The following ABCC8 variants were observed in gnomAD, a reference collection of about 807,000 sequenced individuals.
ABCC8 encodes ATP-binding cassette sub-family C member 8.
Under a neutral mutation model 188.0 loss-of-function variants are expected in ABCC8, and 137 were observed. The ratio of observed to expected loss-of-function variants is 0.73; its 90% CI spans 0.63 to 0.84. The LOEUF is 0.84. Among genes scored for constraint, ABCC8 ranks in the 40% least tolerant of loss-of-function variants. The pLI is 0.00. For missense variants in ABCC8, 1,750 were observed against 2,072.7 expected (o/e 0.84, Z 3.02); for synonymous variants, 797 against 846.5 (o/e 0.94, Z 1.01).
intron 7 of ABCC8, among the ~76,000 whole-genome samples, chr11:17,450,254 TTCTTTCTCTTTCTTTC>T (rs1193598027): frequency 1.6e-5 from 1 of 62,908 alleles, no homozygotes; most frequent in Non-Finnish European, 3.3e-5. Context: ...TTTTCTTTCT[TTCTTTCTCTTTCTTTC>T]TTTCTTTCTT....
chr11:17,475,939 C>A (rs1848742433), intron 1 of ABCC8, among the ~76,000 whole-genome samples: 1 of 152,192 alleles, frequency 6.6e-6, no homozygotes, highest in Non-Finnish European at 1.5e-5. Flanking sequence ...CCGGCCGTGG[C>A]GCCCAACTTT....
In ABCC8 at chr11:17,416,918, C is replaced by T. The variant is rs751965037; in HGVS notation, c.2255+12G>A. On this transcript the variant is annotated intron_variant, in intron 17 of 38. Coordinates refer to ENST00000389817, the MANE Select transcript of ABCC8 (RefSeq NM_000352.6). ...GTTGAGACCCACTTCTGACCCAGTC[C>T]CAAGGCTGTACCTGGGGTCCTCTCC... is the stretch of plus-strand genomic sequence containing the variant. The T allele has an allele frequency of 1.8e-5, 29 of 1,613,872 alleles. 1 individual carries two copies. The highest frequency in any genetic ancestry group is 3.3e-4 in the Middle Eastern group (2 of 6,080).
intron 29 of ABCC8, among the ~76,000 whole-genome samples, chr11:17,399,275 CAAAAA>C (rs57138230): frequency 7.3e-4 from 43 of 58,540 alleles, no homozygotes; most frequent in African/African-American, 3.9e-3. Flanking sequence ...GACTCTGCCT[CAAAAA>C]AAAAAAAAAA....
chr11:17,435,991 G>C, intron 10 of ABCC8: 7 of 1,568,334 alleles, frequency 4.5e-6, no homozygotes, highest in Non-Finnish European at 6.1e-6. Flanking sequence ...CATCGCCATG[G>C]GAAGAGACCA....
intron 16 of ABCC8, among the ~76,000 whole-genome samples, chr11:17,425,396 C>T (rs955084688): frequency 1.3e-5 from 2 of 152,234 alleles, no homozygotes; most frequent in Non-Finnish European, 2.9e-5. Flanking sequence ...GTCTTTCTCC[C>T]TGCTCAGTTC....
At chr11:17,453,723 T>C (rs1218923879) in intron 6 of ABCC8, among the ~76,000 whole-genome samples, 2 of 152,132 alleles carry the variant, frequency 1.3e-5, no homozygotes, top group Admixed American at 1.3e-4. Flanking sequence ...CAGCCTGTAA[T>C]GTAGCAATTA....
intron 16 of ABCC8, among the ~76,000 whole-genome samples, chr11:17,419,592 T>C (rs1215807350): frequency 6.6e-6 from 1 of 152,258 alleles, no homozygotes; most frequent in Non-Finnish European, 1.5e-5. Context: ...GTATCTTTTC[T>C]AATGTAATGT....
chr11:17,436,265 G>GGAT, intron 10 of ABCC8: 1 of 450,662 alleles, frequency 2.2e-6, no homozygotes, highest in East Asian at 4.7e-5. Context: ...GCTCTGGGGT[G>GGAT]GATGTGGCTG....
Position 17,409,822 on chromosome 11 carries a change from GT to G in ABCC8, c.2694+693del, listed in dbSNP as rs372363296. On this transcript the variant is annotated intron_variant, in intron 22 of 38. Transcript: ENST00000389817. ...ACCTACTGAAGAGTATGGAAATTTAGTTAATGAGGGGTTTCACAACATTGGA... is the reference window on the plus strand; with the variant it reads ...ACCTACTGAAGAGTATGGAAATTTAGTAATGAGGGGTTTCACAACATTGGA... 1.3e-4 allele frequency among the ~76,000 whole-genome samples: 20 copies of G among 152,318 alleles called. No homozygotes were observed. In the South Asian group the frequency reaches 1.9e-3, roughly 14 times the overall value.
chr11:17,452,800 C>G (rs1333915279), intron 7 of ABCC8, among the ~76,000 whole-genome samples: 3 of 152,198 alleles, frequency 2.0e-5, no homozygotes, highest in Non-Finnish European at 2.9e-5. Flanking sequence ...TGCATTTACC[C>G]TTGGTCAGAA....
chr11:17,412,905 C>A (rs775643540), intron 20 of ABCC8, 159 bp from the exon 21 acceptor site: 28 of 1,469,700 alleles, frequency 1.9e-5, no homozygotes, highest in Non-Finnish European at 2.5e-5. Context: ...CACGTGTTTA[C>A]TGAATTCATT....
At chr11:17,436,983 C>T (rs186168990) in intron 10 of ABCC8, among the ~76,000 whole-genome samples, 2 of 147,786 alleles carry the variant, frequency 1.4e-5, no homozygotes, top group East Asian at 2.0e-4. Context: ...CCTAGCTACT[C>T]GAGAGGCTGA....
rs576893666 is a variant in ABCC8 at position 17,450,324 on chromosome 11, T to TTCTCTCTCTCTC, written c.1177-1665_1177-1654dup. 1.7e-4 allele frequency among the ~76,000 whole-genome samples: 13 copies of TTCTCTCTCTCTC among 75,714 alleles called. 1 individual carries two copies. The highest frequency in any genetic ancestry group is 7.0e-4 in the African/African-American group (12 of 17,078). The allele number at this position is 75,714 out of a possible 152,430, so 49.7% of individuals were successfully genotyped here. A position where few individuals can be genotyped will look rare whatever the true frequency, so the allele number is the denominator to read the frequency against. On this transcript the variant is annotated intron_variant, in intron 7 of 38. Transcript: ENST00000389817. ...TTTCTTTCTTTCTTTCTTTCTTTCT[T>TTCTCTCTCTCTC]TCTCTCTCTCTCTTTCCTTTCTTTC... is the stretch of plus-strand genomic sequence containing the variant.
chr11:17,418,916 C>G (rs1417776199), intron 16 of ABCC8, among the ~76,000 whole-genome samples: 1 of 152,194 alleles, frequency 6.6e-6, no homozygotes, highest in Admixed American at 6.5e-5. Context: ...GGGGCTGGCT[C>G]TCATTGCTGA....
chr11:17,428,427 G>C, intron 13 of ABCC8, 22 bp from the exon 14 acceptor site: 1 of 1,609,922 alleles, frequency 6.2e-7, no homozygotes, highest in Non-Finnish European at 8.5e-7. Context: ...TTGGAGGTGA[G>C]GACCCACTGG....
At chr11:17,433,517 G>A (rs1221018342) in intron 10 of ABCC8, among the ~76,000 whole-genome samples, 2 of 152,238 alleles carry the variant, frequency 1.3e-5, no homozygotes, top group Non-Finnish European at 2.9e-5. Context: ...CAGAGATGTG[G>A]TCCCCAACTT....
At position 17,407,093 on chromosome 11, in the gene ABCC8, G is replaced by A. The variant is rs779888804; in HGVS notation, c.2957C>T (p.Ser986Leu). The A allele has an allele frequency of 5.0e-6, 8 of 1,613,526 alleles. No homozygotes were observed. Among genetic ancestry groups the A allele is most frequent in the Admixed American group, 3.3e-5 (2 of 60,004 alleles). ...CTCAGCACGCTGGTGCAGCATGGACGACAGGTTGTCATCCTCCTCGCTCTC... is the reference window on the plus strand; with the variant it reads ...CTCAGCACGCTGGTGCAGCATGGACAACAGGTTGTCATCCTCCTCGCTCTC... ...AAESEEDDNL[S>L]SMLHQRAEIP... The change falls in exon 25 of 39, where the codon TCG (serine) becomes TTG (leucine). Residue 986 changes from serine to leucine, a missense_variant. By Grantham distance (145) the Ser-to-Leu change is moderately radical. Coordinates refer to ENST00000389817, the MANE Select transcript of ABCC8 (RefSeq NM_000352.6).
In ABCC8 at chr11:17,404,691, G is replaced by T; in HGVS notation, c.3400-22C>A. 1 of 1,586,096 alleles carries T rather than the reference G, an allele frequency of 6.3e-7. No homozygotes were observed. On this transcript the variant is annotated intron_variant, in intron 27 of 38. Coordinates refer to ENST00000389817, the MANE Select transcript of ABCC8 (RefSeq NM_000352.6). The surrounding 1 kb of genome is among the most constrained non-coding windows in gnomAD (Gnocchi z 4.7). ...TGTGCTGAGGGAGACGAGGGGGAGAGAGTGAGGTGAATTTTGGTATTGACT... is the reference window on the plus strand; with the variant it reads ...TGTGCTGAGGGAGACGAGGGGGAGATAGTGAGGTGAATTTTGGTATTGACT...
rs368708177 is a variant in ABCC8 at position 17,428,676 on chromosome 11, C to G, written c.1818-6G>C. 2.5e-6 allele frequency: 4 copies of G among 1,611,866 alleles called. No homozygotes were observed. In the South Asian group the frequency reaches 4.4e-5, roughly 18 times the overall value. ...ACTCGCTTAGCTTTTGCACGCTGCT[C>G]GGGAAGCACAGAGACACCCCTCACC... On this transcript the variant is annotated splice_region_variant and splice_polypyrimidine_tract_variant and intron_variant, in intron 12 of 38. Transcript: ENST00000389817.
Sources: gnomAD v4.1 joint callset for allele counts (sites outside exome capture counted in the v4.1 genomes callset) on GRCh38, gnomAD v4.1.1 for gene constraint, Gnocchi (gnomAD v3.1) non-coding constraint, MANE v1.5 for transcripts, NCBI Gene and HGNC (gene_info 2026-07-23, HGNC 2026-07-21) for gene names.